PIK3AP1: variants seen among roughly 807,000 people sequenced by gnomAD.
PIK3AP1 encodes the protein phosphoinositide 3-kinase adapter protein 1.
PIK3AP1 carries 21 observed loss-of-function variants against 88.1 expected under a neutral mutation model. That is an observed-to-expected ratio of 0.24 (90% CI 0.17 to 0.34). The LOEUF (loss-of-function observed/expected upper bound fraction) is 0.34. PIK3AP1 is among the 10% of genes least tolerant of loss of function. The pLI is 1.00. For synonymous variants in PIK3AP1, 398 were observed against 400.0 expected (o/e 1.00, Z 0.06); for missense variants, 828 against 1,035.7 (o/e 0.80, Z 2.75).
At position 96,602,288 on chromosome 10, in the gene PIK3AP1, G is replaced by A. The variant is rs1390796047; in HGVS notation, c.2352C>T (p.Ala784=). The stretch of plus-strand genomic sequence containing the variant: ...ATCAGTTTTGATGTTACCTCTGTGA[G>A]GCAGCTCTCGGAGGCACCCTGGGGG... ...ERPPRVPPRA[A]SQRPPTRETF... The change falls in exon 16 of 17, where the codon GCC becomes GCT. Residue 784 remains alanine, a synonymous_variant. Coordinates refer to ENST00000339364, the MANE Select transcript of PIK3AP1 (RefSeq NM_152309.3). 1.2e-6 allele frequency: 2 copies of A among 1,604,092 alleles called. No individual in the cohort carries two copies. The highest frequency in any genetic ancestry group is 1.7e-5 in the Admixed American group (1 of 57,624).
chr10:96,716,854 G>A (rs540981097), intron 1 of PIK3AP1, among the ~76,000 whole-genome samples: 20 of 152,252 alleles, frequency 1.3e-4, no homozygotes, highest in Middle Eastern at 3.4e-3. Flanking sequence ...GAACAGGTTT[G>A]GCTACAGAAG....
intron 7 of PIK3AP1, among the ~76,000 whole-genome samples, chr10:96,646,058 G>A (rs550940942): frequency 6.6e-5 from 10 of 152,232 alleles, no homozygotes; most frequent in Admixed American, 5.2e-4. Context: ...TCAGGAGTTC[G>A]AGACCAGCCT....
intron 2 of PIK3AP1, among the ~76,000 whole-genome samples, chr10:96,685,343 T>C (rs1844054083): frequency 6.6e-6 from 1 of 152,158 alleles, no homozygotes; most frequent in Admixed American, 6.5e-5. Context: ...TGGTACTTCA[T>C]TGTTCAGGTC....
At chr10:96,616,518 A>G (rs1849217384) in intron 13 of PIK3AP1, 121 bp downstream of exon 13, 2 of 1,008,586 alleles carry the variant, frequency 2.0e-6, no homozygotes, top group Admixed American at 3.7e-5. Context: ...CCAGATCTGT[A>G]AACAGTATGA....
intron 7 of PIK3AP1, among the ~76,000 whole-genome samples, chr10:96,648,189 G>A (rs1459593747): frequency 2.6e-5 from 4 of 152,146 alleles, no homozygotes; most frequent in Non-Finnish European, 4.4e-5. Flanking sequence ...CAGTTCACCG[G>A]GGCCTGAAGG....
intron 8 of PIK3AP1, among the ~76,000 whole-genome samples, chr10:96,638,718 G>A (rs948677559): frequency 3.3e-5 from 5 of 152,314 alleles, no homozygotes; most frequent in Admixed American, 6.5e-5. Context: ...TGAGTCGCAC[G>A]CGGTAGCCCA....
chr10:96,622,394 T>C (rs1843096430), intron 11 of PIK3AP1, among the ~76,000 whole-genome samples: 1 of 152,214 alleles, frequency 6.6e-6, no homozygotes, highest in Non-Finnish European at 1.5e-5. Flanking sequence ...ACTCAATTCA[T>C]ACAAGGCTAT....
chr10:96,603,520 C>T (rs1342205205), intron 15 of PIK3AP1, among the ~76,000 whole-genome samples: 1 of 152,066 alleles, frequency 6.6e-6, no homozygotes, highest in Non-Finnish European at 1.5e-5. Flanking sequence ...GCCTCCCAGC[C>T]TACATCTTTC....
At chr10:96,641,034 C>T (rs1435564616) in intron 8 of PIK3AP1, among the ~76,000 whole-genome samples, 2 of 151,746 alleles carry the variant, frequency 1.3e-5, no homozygotes, top group South Asian at 2.1e-4. Flanking sequence ...TAACAAGACA[C>T]GTAGTTACCA....
chr10:96,622,963 C>T (rs1843106282), intron 11 of PIK3AP1, among the ~76,000 whole-genome samples: 1 of 152,188 alleles, frequency 6.6e-6, no homozygotes, highest in African/African-American at 2.4e-5. Flanking sequence ...AGGCTGTTAT[C>T]ATTAGGTAAA....
chr10:96,700,938 GC>G, intron 2 of PIK3AP1: 17 of 955,938 alleles, frequency 1.8e-5, no homozygotes, highest in Non-Finnish European at 2.0e-5. Context: ...GGACTACTGT[GC>G]CCATAACAGC....
chr10:96,600,928 C>T (rs1301274064), intron 16 of PIK3AP1, among the ~76,000 whole-genome samples: 1 of 152,096 alleles, frequency 6.6e-6, no homozygotes, highest in Non-Finnish European at 1.5e-5. Flanking sequence ...CCACTTTTTC[C>T]GTTACTCCAC....
intron 12 of PIK3AP1, among the ~76,000 whole-genome samples, chr10:96,619,990 G>A (rs901176407): frequency 2.6e-5 from 4 of 152,186 alleles, no homozygotes; most frequent in Non-Finnish European, 4.4e-5. Context: ...AGTTATGAGG[G>A]TATTTGGCAG....
At chr10:96,609,522 T>C (rs1849065536) in intron 14 of PIK3AP1, among the ~76,000 whole-genome samples, 190 bp downstream of exon 14, 1 of 152,230 alleles carries the variant, frequency 6.6e-6, no homozygotes, top group African/African-American at 2.4e-5. Context: ...ATCACGTAAC[T>C]AGGTTTCATG....
At chr10:96,698,244 T>C (rs1844247334) in intron 2 of PIK3AP1, among the ~76,000 whole-genome samples, 1 of 152,098 alleles carries the variant, frequency 6.6e-6, no homozygotes, top group Non-Finnish European at 1.5e-5. Flanking sequence ...ACTAACACTG[T>C]ATTTCTGGAG....
chr10:96,674,409 T>C (rs1160250939), intron 2 of PIK3AP1, among the ~76,000 whole-genome samples: 1 of 152,218 alleles, frequency 6.6e-6, no homozygotes, highest in Non-Finnish European at 1.5e-5. Context: ...CTGCCTGGTT[T>C]GTTGCACAGG....
At chr10:96,690,350 C>T (rs944409672) in intron 2 of PIK3AP1, among the ~76,000 whole-genome samples, 4 of 152,136 alleles carry the variant, frequency 2.6e-5, no homozygotes, top group Non-Finnish European at 5.9e-5. Context: ...GCAGCCTTGA[C>T]CTCCTGGGCT....
At chr10:96,617,598 T>C (rs557247692) in intron 12 of PIK3AP1, among the ~76,000 whole-genome samples, 2 of 152,160 alleles carry the variant, frequency 1.3e-5, no homozygotes, top group African/African-American at 2.4e-5. Flanking sequence ...CTGGAGACTA[T>C]GGAGTATGCC....
intron 3 of PIK3AP1, among the ~76,000 whole-genome samples, chr10:96,654,717 G>A (rs1281414842): frequency 6.6e-6 from 1 of 152,248 alleles, no homozygotes; most frequent in African/African-American, 2.4e-5. Flanking sequence ...GAAGGAATGA[G>A]AGCCTGGAAA....
Sources: gnomAD v4.1 joint callset for allele counts (sites outside exome capture counted in the v4.1 genomes callset) on GRCh38, gnomAD v4.1.1 for gene constraint, MANE v1.5 for transcripts, NCBI Gene and HGNC (gene_info 2026-07-23, HGNC 2026-07-21) for gene names.